Variants in PLXNB2 observed in about 807,000 individuals in gnomAD.
PLXNB2 encodes the protein plexin B2.
In PLXNB2, 85 loss-of-function variants were observed where a neutral mutation model predicts 202.6. The ratio of observed to expected loss-of-function variants is 0.42; its 90% confidence interval spans 0.35 to 0.50. The LOEUF (loss-of-function observed/expected upper bound fraction) is 0.50. Ranked by LOEUF, PLXNB2 falls within the 20% of genes least tolerant of loss-of-function variation. PLXNB2 has a pLI of 0.02. For missense variants in PLXNB2, 2,063 were observed against 2,586.2 expected, an observed-to-expected ratio of 0.80 and a Z score of 4.39; for synonymous variants, 1,239 against 1,137.6, an observed-to-expected ratio of 1.09 and a Z score of -1.79.
In PLXNB2 at chr22:50,301,346, C is replaced by CTT. The variant is rs2067669150; in HGVS notation, c.-74+6206_-74+6207insAA. On this transcript the variant is annotated intron_variant, in intron 1 of 36. Transcript: ENST00000359337. ...AAAGCTGGGCAGCGCAATGAACCTACCGATGTCTCCGTGCTTCCTGAGGAC... is the reference window on the plus strand; with the variant it reads ...AAAGCTGGGCAGCGCAATGAACCTACTTCGATGTCTCCGTGCTTCCTGAGGAC... 17 of 975,200 alleles carry CTT rather than the reference C, an allele frequency of 1.7e-5. No homozygotes were observed. In the Admixed American group the frequency reaches 1.0e-3, roughly 60 times the overall value. The allele number at this position is 975,200 out of a possible 1,614,324, so 60.4% of individuals were successfully genotyped here. A position where few individuals can be genotyped will look rare whatever the true frequency, so the allele number is the denominator to read the frequency against.
At position 50,278,596 on chromosome 22, in the gene PLXNB2, A is replaced by G. The variant is rs755889678; in HGVS notation, c.4647T>C (p.Asn1549=). Residue 1549 remains asparagine (N), a splice_region_variant and synonymous_variant, in exon 29 of 37, where the codon AAT becomes AAC. Coordinates refer to ENST00000359337, the MANE Select transcript of PLXNB2 (RefSeq NM_012401.4). ...CGCCCGCCCCGGCCTACACGCTCAC[A>G]TTGTAGTGCATAAGGGTGTTGACGC... ...WKRVNTLMHY[N]VRDGATLILS... The G allele has an allele frequency of 2.5e-6, 4 of 1,612,312 alleles. No homozygotes were observed. Among genetic ancestry groups the G allele is most frequent in the South Asian group, 2.2e-5 (2 of 90,952 alleles).
At chr22:50,277,237 G>A (rs1249620846) in intron 33 of PLXNB2, among the ~76,000 whole-genome samples, 1 of 151,514 alleles carries the variant, frequency 6.6e-6, no homozygotes, top group African/African-American at 2.4e-5. Flanking sequence ...GAAGGCGGAG[G>A]TTGCAGTGAG....
chr22:50,275,998 G>A (rs765312834), intron 35 of PLXNB2, 35 bp from the exon 36 acceptor site: 7 of 1,594,362 alleles, frequency 4.4e-6, no homozygotes, highest in Middle Eastern at 1.7e-4. Context: ...GTGGAAAAGG[G>A]GCTGTGGGAG....
At chr22:50,304,094 G>A (rs2147729950) in intron 1 of PLXNB2, among the ~76,000 whole-genome samples, 1 of 152,282 alleles carries the variant, frequency 6.6e-6, no homozygotes, top group Non-Finnish European at 1.5e-5. Flanking sequence ...GGGTGTGAAG[G>A]GCTCCAGGAT....
At position 50,275,873 on chromosome 22, in the gene PLXNB2, G is replaced by C; in HGVS notation, c.5412+16C>G. ...CAGCACCCCACCTGCCCCCGCCCCC[G>C]GGGGCCTGACCCTACCTCGTCATAG... On this transcript the variant is annotated intron_variant, in intron 36 of 36. Coordinates refer to ENST00000359337, the MANE Select transcript of PLXNB2 (RefSeq NM_012401.4). The C allele has an allele frequency of 6.2e-7, 1 of 1,610,664 alleles. No homozygotes were observed.
rs1358003534 is a variant in PLXNB2 at position 50,281,372 on chromosome 22, A to G, written c.3650T>C (p.Val1217Ala). 6.2e-7 allele frequency: 1 copy of G among 1,612,090 alleles called. No homozygotes were observed. The highest frequency in any genetic ancestry group is 1.7e-5 in the Admixed American group (1 of 59,958). Reference protein sequence around the residue: ...VPMVVVIAVSVYCYWRKSQQA... With the variant: ...VPMVVVIAVSAYCYWRKSQQA... Reference sequence around the variant, plus strand: ...GGGGCGGGCTCACCAGTAGCAGTAGACAGACACCGCGATGACGACCACCAT... The same window carrying G: ...GGGGCGGGCTCACCAGTAGCAGTAGGCAGACACCGCGATGACGACCACCAT... The change falls in exon 22 of 37, where the codon GTC (valine) becomes GCC (alanine). Residue 1217 changes from valine (V) to alanine (A), a missense_variant. Around this residue, in one of 2 missense-constraint regions of PLXNB2, gnomAD observed 760 missense variants for 1,109.4 expected, o/e 0.69. Transcript: ENST00000359337.
In PLXNB2 at chr22:50,288,979, G is replaced by C; in HGVS notation, c.1232C>G (p.Ser411Cys). ...NNHTVAFLGT[S>C]DGRILKVYLT... is the part of the protein sequence containing the mutation. The stretch of plus-strand genomic sequence containing the variant: ...CCAAACCTTGAGGATCCGGCCATCA[G>C]AGGTGCCCAGAAAAGCAACAGTGTG... The change falls in exon 4 of 37, where the codon TCT (serine) becomes TGT (cysteine). Residue 411 changes from serine (S) to cysteine (C), a missense_variant. Ser to Cys is a moderately radical substitution (Grantham distance 112, BLOSUM62 -1). This residue lies in a region of PLXNB2 where 1,303 missense variants were observed against 1,476.8 expected (regional missense o/e 0.88). Transcript: ENST00000359337. The surrounding 1 kb of genome is among the most constrained non-coding windows in gnomAD (Gnocchi z 5.0). 1 of 1,609,280 alleles carries C rather than the reference G, an allele frequency of 6.2e-7. No individual in the cohort carries two copies. Among genetic ancestry groups the C allele is most frequent in the Non-Finnish European group, 8.5e-7 (1 of 1,177,120 alleles).
At position 50,283,163 on chromosome 22, in the gene PLXNB2, C is replaced by A; in HGVS notation, c.2703G>T (p.Glu901Asp). 1 of 1,599,460 alleles carries A rather than the reference C, an allele frequency of 6.3e-7. No individual in the cohort carries two copies. The highest frequency in any genetic ancestry group is 8.5e-7 in the Non-Finnish European group (1 of 1,174,478). ...TFQQPKPLSVEPQQGPQAGGT... is the reference protein window; with the variant it reads ...TFQQPKPLSVDPQQGPQAGGT... ...CGCCCGCCTGCGGTCCCTGCTGCGG[C>A]TCCACACTGAGAGGCTTGGGCTGCT... is the stretch of plus-strand genomic sequence containing the variant. Residue 901 changes from glutamate (E) to aspartate (D), a missense_variant, in exon 17 of 37, where the codon GAG becomes GAT. Glu to Asp is a conservative substitution (Grantham distance 45, BLOSUM62 2). Around this residue, in one of 2 missense-constraint regions of PLXNB2, gnomAD observed 1,303 missense variants for 1,476.8 expected, o/e 0.88. Transcript: ENST00000359337.
chr22:50,293,892 T>G (rs1378076549), intron 2 of PLXNB2, among the ~76,000 whole-genome samples: 1 of 152,200 alleles, frequency 6.6e-6, no homozygotes, highest in Non-Finnish European at 1.5e-5. Context: ...AACACCACCG[T>G]GTGCCACCAG....
rs1410529676 is a variant in PLXNB2, at chr22:50,286,271, G to A, written c.1779C>T (p.Thr593=). Residue 593 remains threonine, a synonymous_variant, in exon 9 of 37, where the codon ACC becomes ACT. Transcript: ENST00000359337. ...TPPGQDHVAV[T]IQLLLRRGNI... ...TGCCTCGTCTAAGGAGGAGCTGGAT[G>A]GTCACGGCCACGTGGTCTGCAGACA... is the stretch of plus-strand genomic sequence containing the variant. 1.2e-6 allele frequency: 2 copies of A among 1,612,634 alleles called. No individual in the cohort carries two copies. Among genetic ancestry groups the A allele is most frequent in the Non-Finnish European group, 8.5e-7 (1 of 1,179,556 alleles).
intron 7 of PLXNB2, 55 bp downstream of exon 7, chr22:50,287,612 C>T: frequency 2.7e-6 from 4 of 1,476,534 alleles, no homozygotes; most frequent in Non-Finnish European, 3.6e-6. Flanking sequence ...CATGGGGGAG[C>T]CCCCACCTGG....
chr22:50,276,111 C>G, intron 35 of PLXNB2, 148 bp from the exon 36 acceptor site: 1 of 681,910 alleles, frequency 1.5e-6, no homozygotes, highest in East Asian at 2.7e-5. Context: ...CCCCATGTGG[C>G]ACAGCCTCAG....
intron 24 of PLXNB2, 30 bp downstream of exon 24, chr22:50,280,714 G>GGCCACCCCCC: frequency 2.6e-6 from 4 of 1,528,924 alleles, no homozygotes; most frequent in Non-Finnish European, 1.8e-6. Flanking sequence ...CCACCTGTGT[G>GGCCACCCCCC]CCCTCCCGCC....
chr22:50,282,991 C>T lies in PLXNB2; in HGVS notation c.2816+59G>A, dbSNP rs948364904. The stretch of plus-strand genomic sequence containing the variant: ...AGGGCCACTCAGGTCTCAGTAAGTG[C>T]CCCCCTCCATACCCAGGGCCAGGGC... On this transcript the variant is annotated intron_variant, in intron 17 of 36. Coordinates refer to ENST00000359337, the MANE Select transcript of PLXNB2 (RefSeq NM_012401.4). 7 of 1,573,608 alleles carry T rather than the reference C, an allele frequency of 4.4e-6. No homozygotes were observed. The African/African-American group carries it at 5.4e-5, about 12-fold the overall frequency.
In PLXNB2 at chr22:50,299,310, G is replaced by A. The variant is rs1601770678; in HGVS notation, c.-73-4532C>T. On this transcript the variant is annotated intron_variant, in intron 1 of 36. Transcript: ENST00000359337. ...AGGCCCTGCGTGGGGTGGGGGGGGG[G>A]CCCGGTGCGGGGGCGGGGGAAGCAG... 2.6e-5 allele frequency among the ~76,000 whole-genome samples: 3 copies of A among 114,826 alleles called. No homozygotes were observed. In the South Asian group the frequency reaches 1.0e-3, roughly 39 times the overall value. The allele number at this position is 114,826 out of a possible 152,430, so 75.3% of individuals were successfully genotyped here. A position where few individuals can be genotyped will look rare whatever the true frequency, so the allele number is the denominator to read the frequency against.
At chr22:50,278,046 G>T (rs2065731790) in intron 31 of PLXNB2, 33 bp from the exon 32 acceptor site, 1 of 1,604,548 alleles carries the variant, frequency 6.2e-7, no homozygotes, top group Non-Finnish European at 8.5e-7. Context: ...GTGACGCCGT[G>T]GGCGCGGCTC....
chr22:50,281,085 C>T lies in PLXNB2; in HGVS notation c.3763+4G>A. ...CCCAGCACCAGCCCCCAAGCGGTCC[C>T]TACCTGTGAATTCCTTCTTGCAGCG... On this transcript the variant is annotated splice_donor_region_variant and intron_variant, in intron 23 of 36. Transcript: ENST00000359337. 1 of 1,612,506 alleles carries T rather than the reference C, an allele frequency of 6.2e-7. No individual in the cohort carries two copies.
intron 16 of PLXNB2, 26 bp from the exon 17 acceptor site, chr22:50,283,212 G>T (rs2066146825): frequency 1.9e-6 from 3 of 1,600,098 alleles, no homozygotes; most frequent in Non-Finnish European, 2.6e-6. Flanking sequence ...GGGCACTCGG[G>T]TGAGGACGGG....
chr22:50,279,842 C>T (rs2065864862), intron 26 of PLXNB2, 66 bp from the exon 27 acceptor site: 1 of 1,585,900 alleles, frequency 6.3e-7, no homozygotes, highest in African/African-American at 1.3e-5. Flanking sequence ...GCCCCCGGAG[C>T]CCTGGCCAGA....
Sources: allele counts gnomAD v4.1 joint callset (sites outside exome capture counted in the v4.1 genomes callset), GRCh38; gene constraint gnomAD v4.1.1; regional missense constraint gnomAD v4.1.1; non-coding constraint Gnocchi (gnomAD v3.1); transcripts MANE v1.5; gene names NCBI Gene and HGNC (gene_info 2026-07-23, HGNC 2026-07-21).